The following HEMK2 variants were observed in gnomAD, a reference collection of about 807,000 sequenced individuals.
HEMK2 encodes HemK methyltransferase 2, ETF1 glutamine and histone H4 lysine.
chr21:28,604,046 G>C, the HEMK2 span, among the ~76,000 whole-genome samples: 1 of 152,160 alleles, frequency 6.6e-6, no homozygotes, highest in East Asian at 1.9e-4. Flanking sequence ...AGGATTCTGT[G>C]GCTGGAAGAT....
chr21:28,737,670 T>C, the HEMK2 span, among the ~76,000 whole-genome samples: 1 of 152,122 alleles, frequency 6.6e-6, no homozygotes, highest in Non-Finnish European at 1.5e-5. Context: ...AAGCTTACGA[T>C]GAAAATTTGT....
chr21:28,646,316 A>G, the HEMK2 span, among the ~76,000 whole-genome samples: 1 of 152,188 alleles, frequency 6.6e-6, no homozygotes. Flanking sequence ...ACTTAAGCAT[A>G]TCCTGAAGGA....
chr21:28,815,399 A>G, the HEMK2 span, among the ~76,000 whole-genome samples: 7 of 152,066 alleles, frequency 4.6e-5, no homozygotes, highest in African/African-American at 9.7e-5. Context: ...AAAGAAAAAA[A>G]GATAGGGAAG....
chr21:28,650,409 C>A, the HEMK2 span, among the ~76,000 whole-genome samples: 2 of 151,788 alleles, frequency 1.3e-5, no homozygotes, highest in African/African-American at 4.8e-5. Flanking sequence ...AAAAAAATGC[C>A]ATGGTCCGTT....
the HEMK2 span, among the ~76,000 whole-genome samples, chr21:28,881,625 ATTT>A: frequency 0.033 from 3,290 of 100,818 alleles, 82 homozygotes; most frequent in South Asian, 0.067. Flanking sequence ...GAAGCCATCA[ATTT>A]TTTTTTTTTT....
chr21:28,879,000 CTAATTA>C, the HEMK2 span, among the ~76,000 whole-genome samples: 14 of 146,960 alleles, frequency 9.5e-5, no homozygotes, highest in African/African-American at 2.5e-4. Flanking sequence ...CTCTAACAAT[CTAATTA>C]TATTTTAGAA....
chr21:28,809,123 G>A, the HEMK2 span, among the ~76,000 whole-genome samples: 1 of 152,054 alleles, frequency 6.6e-6, no homozygotes, highest in Non-Finnish European at 1.5e-5. Flanking sequence ...ATAATGAGAG[G>A]GATTGCTGAT....
At chr21:28,769,828 A>C in the HEMK2 span, among the ~76,000 whole-genome samples, 10 of 152,178 alleles carry the variant, frequency 6.6e-5, no homozygotes, top group Non-Finnish European at 1.5e-5. Flanking sequence ...TTCTAACTCT[A>C]AAGCTTTCTT....
At chr21:28,808,906 G>A in the HEMK2 span, among the ~76,000 whole-genome samples, 1 of 152,064 alleles carries the variant, frequency 6.6e-6, no homozygotes, top group Non-Finnish European at 1.5e-5. Context: ...TAAGAGAATG[G>A]TATTATTAAT....
chr21:28,696,012 C>T, the HEMK2 span, among the ~76,000 whole-genome samples: 1 of 151,916 alleles, frequency 6.6e-6, no homozygotes, highest in Non-Finnish European at 1.5e-5. Context: ...CTCACAGTTC[C>T]ACATGGCTGA....
the HEMK2 span, among the ~76,000 whole-genome samples, chr21:28,637,187 T>A: frequency 1.3e-5 from 2 of 152,210 alleles, no homozygotes; most frequent in Non-Finnish European, 2.9e-5. Context: ...CTTGCCACAA[T>A]TTTGTGGGCA....
chr21:28,748,479 C>T, the HEMK2 span, among the ~76,000 whole-genome samples: 3 of 152,162 alleles, frequency 2.0e-5, no homozygotes, highest in East Asian at 3.8e-4. Context: ...AGTGACATTG[C>T]TCTTCACACA....
chr21:28,584,562 A>G, the HEMK2 span, among the ~76,000 whole-genome samples: 1 of 152,226 alleles, frequency 6.6e-6, no homozygotes, highest in African/African-American at 2.4e-5. Context: ...AGAAAAGCAT[A>G]TAAGAAAGTA....
the HEMK2 span, among the ~76,000 whole-genome samples, chr21:28,849,682 G>A: frequency 1.2e-4 from 18 of 152,082 alleles, no homozygotes; most frequent in Admixed American, 6.5e-4. Flanking sequence ...AAAAAGAAAC[G>A]GATCTGATAC....
the HEMK2 span, among the ~76,000 whole-genome samples, chr21:28,584,570 G>T: frequency 6.6e-6 from 1 of 152,096 alleles, no homozygotes; most frequent in Non-Finnish European, 1.5e-5. Context: ...ATATAAGAAA[G>T]TAAGTGGGGT....
At chr21:28,765,081 C>T in the HEMK2 span, among the ~76,000 whole-genome samples, 2 of 152,104 alleles carry the variant, frequency 1.3e-5, no homozygotes, top group Admixed American at 6.5e-5. Flanking sequence ...TAATGTCTTT[C>T]TTGCAAGCAA....
the HEMK2 span, chr21:28,743,284 G>C: frequency 5.3e-5 from 8 of 152,052 alleles, no homozygotes; most frequent in Non-Finnish European, 1.2e-4. Context: ...AAAGTGTTCC[G>C]TGTTTTAAAA....
At chr21:28,780,055 T>C in the HEMK2 span, among the ~76,000 whole-genome samples, 1 of 152,172 alleles carries the variant, frequency 6.6e-6, no homozygotes, top group Non-Finnish European at 1.5e-5. Flanking sequence ...AAGAGTCTCA[T>C]TGACCAACAA....
chr21:28,727,508 C>T, the HEMK2 span, among the ~76,000 whole-genome samples: 3 of 152,218 alleles, frequency 2.0e-5, no homozygotes, highest in African/African-American at 7.2e-5. Flanking sequence ...CATTAGCTAA[C>T]CTTTCAAAGT....
Sources: gnomAD v4.1 joint callset for allele counts (sites outside exome capture counted in the v4.1 genomes callset) on GRCh38, gnomAD v4.1.1 for gene constraint, MANE v1.5 for transcripts, NCBI Gene and HGNC (gene_info 2026-07-23, HGNC 2026-07-21) for gene names.